IL1RAPL1: variants seen among roughly 807,000 people sequenced by gnomAD.
The protein encoded by IL1RAPL1 is interleukin 1 receptor accessory protein like 1, also known as interleukin-1 receptor accessory protein-like 1.
A neutral mutation model predicts 48.4 loss-of-function variants in IL1RAPL1; 3 were observed. The observed-to-expected ratio is 0.06, with a 90% confidence interval of 0.03 to 0.16. The LOEUF (loss-of-function observed/expected upper bound fraction) is 0.16, where lower values mean the gene tolerates loss of function less well. Ranked by LOEUF, IL1RAPL1 falls within the 10% of genes least tolerant of loss-of-function variation. The pLI is 1.00. For synonymous variants in IL1RAPL1, 185 were observed against 187.7 expected (o/e 0.99, Z 0.12); for missense variants, 349 against 530.6 (o/e 0.66, Z 3.36).
intron 2 of IL1RAPL1, among the ~76,000 whole-genome samples, chrX:29,109,807 T>C (rs1928525242): frequency 8.9e-6 from 1 of 112,327 alleles, no homozygotes; most frequent in Admixed American, 9.5e-5. Context: ...TTAAATGATA[T>C]TTTGAAACAC....
chrX:29,144,915 G>A (rs1253925348), intron 2 of IL1RAPL1, among the ~76,000 whole-genome samples: 1 of 108,691 alleles, frequency 9.2e-6, no homozygotes, highest in Non-Finnish European at 1.9e-5. Flanking sequence ...TTTTAGTAGA[G>A]ACAGGGTTTC....
chrX:29,572,512 T>G (rs1179047251), intron 5 of IL1RAPL1, among the ~76,000 whole-genome samples: 1 of 112,573 alleles, frequency 8.9e-6, no homozygotes, highest in Non-Finnish European at 1.9e-5. Context: ...TGAAAATTTG[T>G]TTATACATTT....
chrX:29,933,798 A>G, intron 8 of IL1RAPL1, among the ~76,000 whole-genome samples: 1 of 111,311 alleles, frequency 9.0e-6, no homozygotes, highest in Admixed American at 9.6e-5. Context: ...AATACTATAA[A>G]AAATAAAGAC....
Position 29,373,689 on chromosome X carries a change from GGTTTTT to G in IL1RAPL1, c.363-22562_363-22557del, listed in dbSNP as rs201513104. On this transcript the variant is annotated intron_variant, in intron 3 of 10. Transcript: ENST00000378993. Reference sequence around the variant, plus strand: ...TTCCAGTTCAATGAGGTGATCATATGGTTTTTGTTTTTAATTATCTTTATGTGGTAA... The same window carrying G: ...TTCCAGTTCAATGAGGTGATCATATGGTTTTTAATTATCTTTATGTGGTAA... Among the ~76,000 whole-genome samples the G allele has an allele frequency of 9.5e-3, 1,045 of 109,620 alleles. 6 individuals carry two copies. The highest frequency in any genetic ancestry group is 0.014 in the Non-Finnish European group (753 of 52,503).
At chrX:29,167,162 T>C (rs1421853563) in intron 2 of IL1RAPL1, among the ~76,000 whole-genome samples, 1 of 111,785 alleles carries the variant, frequency 8.9e-6, no homozygotes, top group Admixed American at 9.6e-5. Context: ...GAATTCTCAG[T>C]AAGTATTTCC....
At chrX:28,873,509 T>G (rs1323482743) in intron 2 of IL1RAPL1, among the ~76,000 whole-genome samples, 1 of 100,528 alleles carries the variant, frequency 9.9e-6, no homozygotes, top group African/African-American at 3.8e-5. Context: ...TCTCAATTAT[T>G]GTTTTCTTTC....
At chrX:29,300,525 T>C (rs1400214047) in intron 3 of IL1RAPL1, among the ~76,000 whole-genome samples, 2 of 112,016 alleles carry the variant, frequency 1.8e-5, no homozygotes, top group African/African-American at 6.5e-5. Context: ...GAATCATTAG[T>C]AGTGAAGATA....
chrX:29,873,327 G>A (rs150424250), intron 6 of IL1RAPL1, among the ~76,000 whole-genome samples: 43 of 111,039 alleles, frequency 3.9e-4, no homozygotes, highest in African/African-American at 1.3e-3. Context: ...TTCAGGTGGT[G>A]TGCCCCAAAA....
chrX:29,856,858 A>G (rs1241261782), intron 6 of IL1RAPL1, among the ~76,000 whole-genome samples: 2 of 112,136 alleles, frequency 1.8e-5, no homozygotes, highest in Admixed American at 1.9e-4. Context: ...CATTACATGT[A>G]TTAGTCTGTA....
intron 2 of IL1RAPL1, among the ~76,000 whole-genome samples, chrX:28,917,689 T>A: frequency 8.9e-6 from 1 of 112,404 alleles, no homozygotes; most frequent in East Asian, 2.8e-4. Context: ...GTTGGAAATA[T>A]CAGCAAATGT....
intron 6 of IL1RAPL1, among the ~76,000 whole-genome samples, chrX:29,885,044 C>T (rs941996288): frequency 9.0e-6 from 1 of 111,460 alleles, no homozygotes; most frequent in African/African-American, 3.3e-5. Context: ...CTTCATCCCC[C>T]CGTCTTAGCA....
intron 2 of IL1RAPL1, among the ~76,000 whole-genome samples, chrX:29,099,627 C>T (rs766009556): frequency 4.5e-5 from 5 of 111,526 alleles, no homozygotes; most frequent in South Asian, 3.8e-4. Context: ...TTATTACCTC[C>T]GTTAGTCGAT....
intron 2 of IL1RAPL1, among the ~76,000 whole-genome samples, chrX:28,833,111 GC>G (rs1921111010): frequency 1.8e-5 from 2 of 110,941 alleles, no homozygotes; most frequent in Non-Finnish European, 3.8e-5. Context: ...ATGGCCTCTA[GC>G]TGCATCCATG....
At chrX:28,724,760 T>A (rs906492054) in intron 1 of IL1RAPL1, among the ~76,000 whole-genome samples, 7 of 111,035 alleles carry the variant, frequency 6.3e-5, no homozygotes, top group Middle Eastern at 4.2e-3. Context: ...TGTTTAGTGC[T>A]TCCTTGAGGA....
chrX:28,912,222 G>C (rs968592863), intron 2 of IL1RAPL1, among the ~76,000 whole-genome samples: 2 of 109,510 alleles, frequency 1.8e-5, no homozygotes, highest in Non-Finnish European at 3.8e-5. Flanking sequence ...GATAACAGTA[G>C]CAACAAAGGC....
At chrX:28,805,259 G>A (rs939220992) in intron 2 of IL1RAPL1, among the ~76,000 whole-genome samples, 2 of 110,616 alleles carry the variant, frequency 1.8e-5, no homozygotes, top group African/African-American at 6.6e-5. Flanking sequence ...AAGAGAGGGA[G>A]GTGGAAGGTA....
chrX:29,228,580 C>T (rs1032888948), intron 2 of IL1RAPL1, among the ~76,000 whole-genome samples: 6 of 110,301 alleles, frequency 5.4e-5, no homozygotes, highest in African/African-American at 2.0e-4. Context: ...GTCTCAAACT[C>T]CTGACCTCCT....
intron 2 of IL1RAPL1, among the ~76,000 whole-genome samples, chrX:29,263,854 T>G (rs1931903605): frequency 2.4e-5 from 1 of 41,383 alleles, no homozygotes; most frequent in African/African-American, 7.1e-5. Flanking sequence ...TCTTTCTCTC[T>G]CTCTCTCCCC....
intron 2 of IL1RAPL1, among the ~76,000 whole-genome samples, chrX:29,214,626 T>A (rs959405404): frequency 3.6e-5 from 4 of 111,653 alleles, no homozygotes; most frequent in Non-Finnish European, 7.5e-5. Context: ...ATCATTTGTA[T>A]CAGATATTAA....
Sources: gnomAD v4.1 joint callset for allele counts (sites outside exome capture counted in the v4.1 genomes callset) on GRCh38, gnomAD v4.1.1 for gene constraint, MANE v1.5 for transcripts, NCBI Gene and HGNC (gene_info 2026-07-23, HGNC 2026-07-21) for gene names.